The following RLIG1 variants were observed in gnomAD, a reference collection of about 807,000 sequenced individuals.
RLIG1 encodes RNA ligase 1.
At chr12:88,049,864 GA>G in the RLIG1 span, 1 of 157,180 alleles carries the variant, frequency 6.4e-6, no homozygotes, top group Admixed American at 6.5e-5. Context: ...TATGATCAGG[GA>G]AACCTTTGGG....
chr12:88,042,600 A>G, the RLIG1 span: 1 of 341,382 alleles, frequency 2.9e-6, no homozygotes, highest in Non-Finnish European at 5.3e-6. Flanking sequence ...TATAAAAAAG[A>G]TCATATATTT....
chr12:88,039,557 T>A, the RLIG1 span, among the ~76,000 whole-genome samples: 1 of 152,142 alleles, frequency 6.6e-6, no homozygotes, highest in Non-Finnish European at 1.5e-5. Context: ...TTACCTTTTG[T>A]TTTTTTCCTC....
chr12:88,035,946 G>A, the RLIG1 span: 1 of 1,523,710 alleles, frequency 6.6e-7, no homozygotes, highest in Non-Finnish European at 8.8e-7. Context: ...TGTGAGGGAG[G>A]GAATTTGCGA....
the RLIG1 span, chr12:88,048,385 A>C: frequency 5.1e-6 from 8 of 1,555,358 alleles, no homozygotes; most frequent in African/African-American, 2.7e-5. Flanking sequence ...GATAATCAGA[A>C]ATTTGTTAGA....
At chr12:88,048,740 GCTCAA>G in the RLIG1 span, 1 of 204,294 alleles carries the variant, frequency 4.9e-6, no homozygotes, top group Non-Finnish European at 9.7e-6. Flanking sequence ...AATAGTTTAA[GCTCAA>G]TTTAATTTTG....
chr12:88,044,019 C>A, the RLIG1 span: 1 of 303,326 alleles, frequency 3.3e-6, no homozygotes, highest in African/African-American at 2.3e-5. Context: ...CACCTGTAAT[C>A]CCAGCACTTT....
At chr12:88,043,053 T>C in the RLIG1 span, 143 of 435,964 alleles carry the variant, frequency 3.3e-4, no homozygotes, top group African/African-American at 2.8e-3. Context: ...AATACTTTTA[T>C]ATATAAAAGG....
chr12:88,035,592 T>C, the RLIG1 span: 3 of 1,537,990 alleles, frequency 2.0e-6, no homozygotes, highest in Admixed American at 5.8e-5. Context: ...TCTCCGCGAC[T>C]GGACCGGGCG....
At chr12:88,040,135 CTCTT>C in the RLIG1 span, 4 of 1,501,538 alleles carry the variant, frequency 2.7e-6, no homozygotes, top group South Asian at 2.3e-5. Flanking sequence ...TTTTCTCTCT[CTCTT>C]TTTTTAAGCC....
the RLIG1 span, among the ~76,000 whole-genome samples, chr12:88,047,907 A>G: frequency 3.9e-5 from 6 of 152,134 alleles, no homozygotes; most frequent in Non-Finnish European, 7.4e-5. Context: ...CACATTTTTC[A>G]GGTAGCTAGT....
the RLIG1 span, chr12:88,045,746 C>T: frequency 6.2e-7 from 1 of 1,613,052 alleles, no homozygotes; most frequent in South Asian, 1.1e-5. Context: ...AACACTGGAA[C>T]TCATAGGAAC....
At chr12:88,049,062 A>G in the RLIG1 span, 1 of 487,950 alleles carries the variant, frequency 2.0e-6, no homozygotes, top group Non-Finnish European at 3.6e-6. Flanking sequence ...ATTCCAATCT[A>G]AGTATAAAGG....
the RLIG1 span, chr12:88,048,442 T>TATC: frequency 1.6e-6 from 2 of 1,214,694 alleles, no homozygotes; most frequent in Non-Finnish European, 2.3e-6. Flanking sequence ...AAAATTAGTT[T>TATC]ATCATTATAT....
the RLIG1 span, among the ~76,000 whole-genome samples, chr12:88,047,976 C>T: frequency 6.6e-6 from 1 of 152,082 alleles, no homozygotes; most frequent in Admixed American, 6.6e-5. Context: ...TGATAATGTT[C>T]CTGGCATGTT....
the RLIG1 span, chr12:88,042,874 T>G: frequency 6.4e-7 from 1 of 1,570,742 alleles, no homozygotes; most frequent in Non-Finnish European, 8.6e-7. Flanking sequence ...ACAAACAAGC[T>G]GAAAAAAGAT....
chr12:88,036,119 A>T, the RLIG1 span: 1 of 1,306,414 alleles, frequency 7.7e-7, no homozygotes, highest in East Asian at 5.0e-5. Context: ...GAGTGCAGTA[A>T]GAAAGGGTGG....
chr12:88,049,656 T>C, the RLIG1 span: 1 of 341,810 alleles, frequency 2.9e-6, no homozygotes, highest in Non-Finnish European at 5.3e-6. Context: ...CTAAAATTTA[T>C]CATCTCTTAT....
the RLIG1 span, chr12:88,044,717 G>A: frequency 6.6e-6 from 1 of 152,476 alleles, no homozygotes; most frequent in Admixed American, 6.5e-5. Context: ...CAGCTGACAA[G>A]GAAGAGGGAA....
At chr12:88,047,319 A>C in the RLIG1 span, among the ~76,000 whole-genome samples, 9 of 152,108 alleles carry the variant, frequency 5.9e-5, no homozygotes, top group African/African-American at 2.2e-4. Context: ...TTGAGTAAAA[A>C]GAGTGCCAAG....
Sources: allele counts gnomAD v4.1 joint callset (sites outside exome capture counted in the v4.1 genomes callset), GRCh38; gene constraint gnomAD v4.1.1; transcripts MANE v1.5; gene names NCBI Gene and HGNC (gene_info 2026-07-23, HGNC 2026-07-21).